RYR1: variants seen among roughly 807,000 people sequenced by gnomAD.
RYR1 encodes the protein ryanodine receptor 1.
A neutral mutation model predicts 583.5 loss-of-function variants in RYR1; 342 were observed. The observed-to-expected ratio is 0.59, with a 90% CI of 0.54 to 0.64. The LOEUF (loss-of-function observed/expected upper bound fraction) is 0.64, where lower values mean the gene tolerates loss of function less well. RYR1 is among the 30% of genes least tolerant of loss of function. The probability of loss-of-function intolerance (pLI) is 0.00; values close to 1 mark genes in which losing one functional copy is unlikely to be tolerated. For synonymous variants in RYR1, 2,791 were observed against 2,822.5 expected (o/e 0.99, Z 0.35); for missense variants, 6,032 against 6,917.2 (o/e 0.87, Z 4.54).
At chr19:38,478,666 G>GC in intron 31 of RYR1, 66 bp downstream of exon 31, 1 of 1,576,808 alleles carries the variant, frequency 6.3e-7, no homozygotes, top group Non-Finnish European at 8.6e-7. Flanking sequence ...AGCTCTTATA[G>GC]ATGTCCCCTG....
intron 70 of RYR1, 30 bp downstream of exon 70, chr19:38,523,959 GTC>G: frequency 6.2e-7 from 1 of 1,613,428 alleles, no homozygotes; most frequent in Non-Finnish European, 8.5e-7. Flanking sequence ...CCTTCCGCAT[GTC>G]TCTTGGCTAA....
Position 38,455,510 on chromosome 19 carries a change from C to T in RYR1, c.1636C>T (p.Leu546=). The T allele has an allele frequency of 6.2e-7, 1 of 1,614,138 alleles. No individual in the cohort carries two copies. The change falls in exon 15 of 106, where the codon CTG becomes TTG. Residue 546 remains leucine (L), a synonymous_variant. Coordinates refer to ENST00000359596, the MANE Select transcript of RYR1 (RefSeq NM_000540.3). ...CALFSTNLDW[L]VSKLDRLEAS... The stretch of plus-strand genomic sequence containing the variant: ...CCTCTTCTCCACAAACTTGGACTGG[C>T]TGGTCAGCAAGCTGGATCGGCTGGA...
At chr19:38,583,013 T>A (rs1342097955) in intron 101 of RYR1, among the ~76,000 whole-genome samples, 1 of 151,934 alleles carries the variant, frequency 6.6e-6, no homozygotes, top group Non-Finnish European at 1.5e-5. Flanking sequence ...AGAACAAGTG[T>A]ATGCCGGGCG....
intron 63 of RYR1, among the ~76,000 whole-genome samples, chr19:38,513,427 C>G (rs566883942): frequency 7.9e-5 from 12 of 152,274 alleles, no homozygotes; most frequent in Admixed American, 7.8e-4. Context: ...AGGAAGATCT[C>G]TTGAGCCCAG....
At chr19:38,494,852 C>CTTTTTTTT (rs780267024) in intron 39 of RYR1, among the ~76,000 whole-genome samples, 1 of 142,190 alleles carries the variant, frequency 7.0e-6, no homozygotes, top group African/African-American at 2.8e-5. Flanking sequence ...CCCACCCCCC[C>CTTTTTTTT]CTTTTTTTTT....
In RYR1 at chr19:38,578,128, A is replaced by ACC; in HGVS notation, c.14304-12_14304-11dup. 6.3e-7 allele frequency: 1 copy of ACC among 1,587,656 alleles called. No homozygotes were observed. On this transcript the variant is annotated splice_polypyrimidine_tract_variant and intron_variant, in intron 98 of 105. Transcript: ENST00000359596. ...GTCTGACACTCAAGCATCTCTCCCC[A>ACC]CCCCCGCCCCCACAGGCTCATGTCC... is the stretch of plus-strand genomic sequence containing the variant.
At chr19:38,568,911 T>C (rs1482216168) in intron 93 of RYR1, among the ~76,000 whole-genome samples, 2 of 152,194 alleles carry the variant, frequency 1.3e-5, no homozygotes, top group African/African-American at 4.8e-5. Flanking sequence ...GGCTCATGCC[T>C]GTAAGTCCAG....
In RYR1 at chr19:38,565,605, AGGCGGTGCACGAGGCCGGGCCG is replaced by A; in HGVS notation, c.13280_13301del (p.His4427ProfsTer7). ...GCGGAGGGCGCTGGAGACGAGGAGG[AGGCGGTGCACGAGGCCGGGCCG>A]GGCGGTGCCGACGGGGCGGTGGCCG... On this transcript the variant is annotated frameshift_variant, in exon 91 of 106. Coordinates refer to ENST00000359596, the MANE Select transcript of RYR1 (RefSeq NM_000540.3). LOFTEE classifies it high-confidence loss of function. This position sits in a 1 kb window ranked among gnomAD's most constrained non-coding sequence, Gnocchi z 4.7. 1 of 1,448,676 alleles carries A rather than the reference AGGCGGTGCACGAGGCCGGGCCG, an allele frequency of 6.9e-7. No individual in the cohort carries two copies. The highest frequency in any genetic ancestry group is 9.0e-7 in the Non-Finnish European group (1 of 1,108,412). 89.7% of individuals were successfully genotyped at this position (1,448,676 alleles called of 1,614,324 possible).
intron 69 of RYR1, 96 bp from the exon 70 acceptor site, chr19:38,523,819 G>A: frequency 6.6e-7 from 1 of 1,524,352 alleles, no homozygotes; most frequent in Non-Finnish European, 9.1e-7. Flanking sequence ...GGGTGGGGCA[G>A]AGGAGGTGGG....
chr19:38,572,863 T>C (rs1973783178), intron 95 of RYR1, among the ~76,000 whole-genome samples: 1 of 149,634 alleles, frequency 6.7e-6, no homozygotes, highest in African/African-American at 2.5e-5. Context: ...GCTCTGCCTG[T>C]GCCCCCCAAT....
intron 57 of RYR1, 132 bp downstream of exon 57, chr19:38,507,084 A>T: frequency 7.0e-7 from 1 of 1,424,376 alleles, no homozygotes; most frequent in East Asian, 2.8e-5. Context: ...ACCAGAGGGG[A>T]GGAGCTAAGG....
At chr19:38,436,989 G>T (rs1192050554) in intron 1 of RYR1, among the ~76,000 whole-genome samples, 2 of 151,952 alleles carry the variant, frequency 1.3e-5, no homozygotes, top group African/African-American at 4.8e-5. Context: ...GGTGGTAGGG[G>T]ACTGGGCCAG....
At chr19:38,436,618 G>A (rs1430159560) in intron 1 of RYR1, among the ~76,000 whole-genome samples, 1 of 152,156 alleles carries the variant, frequency 6.6e-6, no homozygotes, top group Non-Finnish European at 1.5e-5. Flanking sequence ...ATACTGTGGT[G>A]TGTTTATCAG....
rs576809252 is a variant in RYR1, at chr19:38,579,024, G to A, written c.14364+820G>A. The stretch of plus-strand genomic sequence containing the variant: ...TAGTCCCAGCCACTCAACAAGCTGC[G>A]GTGGGAGGATGGCTTGAGCCCAGGA... On this transcript the variant is annotated intron_variant, in intron 99 of 105. Transcript: ENST00000359596. Among the ~76,000 whole-genome samples the A allele has an allele frequency of 9.9e-5, 15 of 152,192 alleles. No individual in the cohort carries two copies. The South Asian group carries it at 1.7e-3, about 17-fold the overall frequency.
intron 70 of RYR1, among the ~76,000 whole-genome samples, chr19:38,524,594 G>C (rs967474925): frequency 2.0e-5 from 3 of 152,236 alleles, no homozygotes; most frequent in African/African-American, 7.2e-5. Flanking sequence ...GCGTGACTGG[G>C]GTGGCCCTGG....
At position 38,467,631 on chromosome 19, in the gene RYR1, G is replaced by A. The variant is rs377381782; in HGVS notation, c.3200G>A (p.Arg1067His). Residue 1067 changes from arginine to histidine, a missense_variant, in exon 25 of 106, where the codon CGT becomes CAT. Coordinates refer to ENST00000359596, the MANE Select transcript of RYR1 (RefSeq NM_000540.3). ...ATAGGTCAGGTGGAGAACCAGTCTC[G>A]TTGTGACCGGGTGCGCATCTTCCGG... is the stretch of plus-strand genomic sequence containing the variant. Reference protein sequence around the residue: ...QEPSQVENQSRCDRVRIFRAE... With the variant: ...QEPSQVENQSHCDRVRIFRAE... 1.8e-5 allele frequency: 29 copies of A among 1,614,040 alleles called. No homozygotes were observed. The highest frequency in any genetic ancestry group is 2.2e-5 in the South Asian group (2 of 91,086).
rs766961940 is a variant in RYR1 at position 38,504,893 on chromosome 19, G to A, written c.8213G>A (p.Arg2738Gln). 17 of 1,613,994 alleles carry A rather than the reference G, an allele frequency of 1.1e-5. No individual in the cohort carries two copies. Among genetic ancestry groups the A allele is most frequent in the Non-Finnish European group, 1.4e-5 (17 of 1,180,020 alleles). Residue 2738 changes from arginine to glutamine, a missense_variant, in exon 51 of 106, where the codon CGG becomes CAG. Physicochemically the swap from Arg to Gln is conservative, Grantham distance 43. Transcript: ENST00000359596. ...TVDAEGNFDP[R>Q]PVETLNVIIP... ...GATGCTGAAGGCAACTTTGATCCCC[G>A]GCCTGTGGAGACCCTCAAGTGAGGC...
chr19:38,561,533 C>G lies in RYR1; in HGVS notation c.12624+79C>G. ...GTGCTCACTTCCTGCACCCTCAGAC[C>G]CCACGGGGGCTGTGCGTGCCTCGCA... On this transcript the variant is annotated intron_variant, in intron 90 of 105. Transcript: ENST00000359596. The surrounding 1 kb of genome is among the most constrained non-coding windows in gnomAD (Gnocchi z 4.8). 7.3e-7 allele frequency: 1 copy of G among 1,369,404 alleles called. No homozygotes were observed. The highest frequency in any genetic ancestry group is 1.0e-6 in the Non-Finnish European group (1 of 998,502). 84.8% of individuals were successfully genotyped at this position (1,369,404 alleles called of 1,614,324 possible).
chr19:38,543,955 C>A lies in RYR1; in HGVS notation c.12012+80C>A. The A allele has an allele frequency of 1.5e-6, 2 of 1,368,960 alleles. No individual in the cohort carries two copies. Among genetic ancestry groups the A allele is most frequent in the South Asian group, 2.4e-5 (2 of 81,680 alleles). 84.8% of individuals were successfully genotyped at this position (1,368,960 alleles called of 1,614,324 possible). On this transcript the variant is annotated intron_variant, in intron 87 of 105. Transcript: ENST00000359596. This position sits in a 1 kb window ranked among gnomAD's most constrained non-coding sequence, Gnocchi z 4.4. ...CATTTCCAAGTCTTGCCCCTTTGGT[C>A]AGTTTGTCACCCGAGTGCTCCCGGC... is the stretch of plus-strand genomic sequence containing the variant.
Sources: gnomAD v4.1 joint callset for allele counts (sites outside exome capture counted in the v4.1 genomes callset) on GRCh38, gnomAD v4.1.1 for gene constraint, Gnocchi (gnomAD v3.1) non-coding constraint, MANE v1.5 for transcripts, NCBI Gene and HGNC (gene_info 2026-07-23, HGNC 2026-07-21) for gene names.